TOGARAM2: variants seen among roughly 807,000 people sequenced by gnomAD.
The protein encoded by TOGARAM2 is TOG array regulator of axonemal microtubules protein 2.
A neutral mutation model predicts 93.3 loss-of-function variants in TOGARAM2; 85 were observed. The observed-to-expected ratio is 0.91, with a 90% CI of 0.76 to 1.09. TOGARAM2 has a LOEUF of 1.09. Ranked by LOEUF, TOGARAM2 falls within the 50% of genes least tolerant of loss-of-function variation. The probability of loss-of-function intolerance (pLI) is 0.00; values close to 1 mark genes in which losing one functional copy is unlikely to be tolerated. For missense variants in TOGARAM2, 1,277 were observed against 1,334.5 expected, an observed-to-expected ratio of 0.96 and a Z score of 0.67; for synonymous variants, 593 against 552.8, an observed-to-expected ratio of 1.07 and a Z score of -1.02.
intron 18 of TOGARAM2, among the ~76,000 whole-genome samples, chr2:29,037,865 A>G (rs1666211700): frequency 6.6e-6 from 1 of 152,238 alleles, no homozygotes; most frequent in Non-Finnish European, 1.5e-5. Context: ...TGCTCTTGCC[A>G]ATAACCAAGG....
intron 1 of TOGARAM2, among the ~76,000 whole-genome samples, chr2:28,970,785 G>A (rs1234420205): frequency 1.3e-5 from 2 of 152,152 alleles, no homozygotes; most frequent in Non-Finnish European, 2.9e-5. Flanking sequence ...GGCTCCGAGG[G>A]AGTGCACTCT....
At chr2:28,959,948 T>G (rs1019289476) in intron 1 of TOGARAM2, among the ~76,000 whole-genome samples, 2 of 152,342 alleles carry the variant, frequency 1.3e-5, no homozygotes, top group East Asian at 1.9e-4. Context: ...GGCTATCTTA[T>G]GTAGCCTACA....
At chr2:29,044,871 T>C (rs1212627740) in intron 18 of TOGARAM2, among the ~76,000 whole-genome samples, 1 of 152,146 alleles carries the variant, frequency 6.6e-6, no homozygotes. Flanking sequence ...TAATCATGGC[T>C]CAGTGATTCT....
At chr2:28,971,596 C>G (rs1671947550) in intron 1 of TOGARAM2, among the ~76,000 whole-genome samples, 1 of 152,144 alleles carries the variant, frequency 6.6e-6, no homozygotes, top group Non-Finnish European at 1.5e-5. Context: ...AAGCCACGTT[C>G]TCTTGCTTCT....
At chr2:28,991,602 G>A (rs1221717066) in intron 1 of TOGARAM2, among the ~76,000 whole-genome samples, 1 of 152,224 alleles carries the variant, frequency 6.6e-6, no homozygotes, top group Non-Finnish European at 1.5e-5. Context: ...AGCTGTGGGA[G>A]CGGCAGCCCC....
At chr2:28,998,051 T>A in intron 2 of TOGARAM2, 92 bp from the exon 3 acceptor site, 1 of 812,762 alleles carries the variant, frequency 1.2e-6, no homozygotes, top group Non-Finnish European at 1.9e-6. Context: ...CGGGGTGGAG[T>A]GCTCAGGGTT....
chr2:29,022,450 C>A, intron 11 of TOGARAM2, 142 bp downstream of exon 11: 1 of 1,113,144 alleles, frequency 9.0e-7, no homozygotes, highest in Non-Finnish European at 1.3e-6. Flanking sequence ...GGAGGGAGGA[C>A]TGTGCATGCA....
chr2:29,044,308 C>T (rs1666607939), intron 18 of TOGARAM2, among the ~76,000 whole-genome samples: 1 of 152,230 alleles, frequency 6.6e-6, no homozygotes, highest in Non-Finnish European at 1.5e-5. Context: ...CAAGTACATT[C>T]ATGCTGGGTC....
At chr2:28,975,865 A>G (rs1419048976) in intron 1 of TOGARAM2, among the ~76,000 whole-genome samples, 2 of 151,516 alleles carry the variant, frequency 1.3e-5, no homozygotes, top group Admixed American at 6.6e-5. Flanking sequence ...ATTGCCTCAC[A>G]CCCCTATGCC....
intron 1 of TOGARAM2, among the ~76,000 whole-genome samples, chr2:28,983,962 C>T (rs897981605): frequency 1.3e-5 from 2 of 152,088 alleles, no homozygotes; most frequent in African/African-American, 4.8e-5. Context: ...GGGTGCCTCC[C>T]TTCCTCTGCT....
Position 29,014,436 on chromosome 2 carries a change from G to A in TOGARAM2, c.919G>A (p.Ala307Thr), listed in dbSNP as rs746796965. Reference protein sequence around the residue: ...LASPIRDRPAAAKKPALPFSQ... With the variant: ...LASPIRDRPATAKKPALPFSQ... ...CTCACCCATCAGAGACAGGCCTGCC[G>A]CTGCCAAGAAGCCTGCCCTGCCTTT... Residue 307 changes from alanine (A) to threonine (T), a missense_variant, in exon 8 of 20, where the codon GCT (alanine) becomes ACT (threonine). Physicochemically the swap from Ala to Thr is moderately conservative, Grantham distance 58. Transcript: ENST00000379558. 1.4e-5 allele frequency: 22 copies of A among 1,609,496 alleles called. No individual in the cohort carries two copies. Among genetic ancestry groups the A allele is most frequent in the East Asian group, 6.7e-5 (3 of 44,698 alleles).
intron 19 of TOGARAM2, chr2:29,047,599 C>T (rs1666817223): frequency 6.6e-6 from 1 of 152,262 alleles, no homozygotes; most frequent in African/African-American, 2.4e-5. Flanking sequence ...TGCTGGCCCC[C>T]AGAAGGGCCT....
At chr2:29,018,345 A>G in intron 10 of TOGARAM2, 1 of 175,838 alleles carries the variant, frequency 5.7e-6, no homozygotes, top group Non-Finnish European at 1.2e-5. Context: ...ATAAAATGTC[A>G]GGGCTGGACA....
chr2:28,963,917 G>A (rs901085863), intron 1 of TOGARAM2, among the ~76,000 whole-genome samples: 2 of 152,144 alleles, frequency 1.3e-5, no homozygotes, highest in Non-Finnish European at 2.9e-5. Flanking sequence ...TGAGAAAGGA[G>A]AATTGCTTGA....
intron 16 of TOGARAM2, 59 bp from the exon 17 acceptor site, chr2:29,035,405 G>T: frequency 7.8e-7 from 1 of 1,279,920 alleles, no homozygotes; most frequent in Non-Finnish European, 1.0e-6. Context: ...GGGACCAGAA[G>T]TGGGTTCATT....
At chr2:29,013,398 G>A (rs1446573632) in intron 7 of TOGARAM2, among the ~76,000 whole-genome samples, 3 of 152,178 alleles carry the variant, frequency 2.0e-5, no homozygotes, top group East Asian at 1.9e-4. Flanking sequence ...TGGCTCACAC[G>A]ATTACAAGGT....
intron 1 of TOGARAM2, among the ~76,000 whole-genome samples, chr2:28,990,994 GT>G (rs1558406435): frequency 6.0e-3 from 99 of 16,628 alleles, no homozygotes; most frequent in African/African-American, 0.014. Context: ...TGTGAAGGGT[GT>G]GTGTGTGTGT....
chr2:29,014,107 C>T (rs1299464454), intron 7 of TOGARAM2, among the ~76,000 whole-genome samples: 1 of 152,214 alleles, frequency 6.6e-6, no homozygotes, highest in Admixed American at 6.5e-5. Context: ...TCTTACATCT[C>T]CTGGATAACA....
intron 1 of TOGARAM2, among the ~76,000 whole-genome samples, chr2:28,963,094 C>T (rs1395043759): frequency 6.6e-6 from 1 of 152,050 alleles, no homozygotes; most frequent in African/African-American, 2.4e-5. Flanking sequence ...TCTGAAAATG[C>T]TGAGTTACAG....
Sources: allele counts gnomAD v4.1 joint callset (sites outside exome capture counted in the v4.1 genomes callset), GRCh38; gene constraint gnomAD v4.1.1; transcripts MANE v1.5; gene names NCBI Gene and HGNC (gene_info 2026-07-23, HGNC 2026-07-21).